The following HECW2 variants were observed in gnomAD, a reference collection of about 807,000 sequenced individuals.
The protein encoded by HECW2 is HECT, C2 and WW domain containing E3 ubiquitin protein ligase 2.
In HECW2, 61 loss-of-function variants were observed where a neutral mutation model predicts 175.2. The observed-to-expected ratio is 0.35, with a 90% CI of 0.28 to 0.43. The LOEUF (loss-of-function observed/expected upper bound fraction) is 0.43. Ranked by LOEUF, HECW2 falls within the 20% of genes least tolerant of loss-of-function variation. The probability of loss-of-function intolerance (pLI) is 1.00; values close to 1 mark genes in which losing one functional copy is unlikely to be tolerated. For synonymous variants in HECW2, 671 were observed against 731.0 expected (o/e 0.92, Z 1.32); for missense variants, 1,524 against 2,000.5 (o/e 0.76, Z 4.54).
intron 14 of HECW2, chr2:196,289,812 T>C (rs1021290768): frequency 2.0e-5 from 3 of 152,160 alleles, no homozygotes; most frequent in Non-Finnish European, 4.4e-5. Context: ...ACTCCTAACA[T>C]GCAGCCCAAA....
chr2:196,315,149 AGTGTGTGTGTGTGTGTGTGTGTGTGT>A (rs58473650), intron 10 of HECW2, among the ~76,000 whole-genome samples: 1 of 144,716 alleles, frequency 6.9e-6, no homozygotes, highest in Non-Finnish European at 1.5e-5. Context: ...CGAGTGTATG[AGTGTGTGTGTGTGTGTGTGTGTGTGT>A]GTGTGTGTGT....
chr2:196,451,206 C>T (rs1013124888), intron 1 of HECW2, among the ~76,000 whole-genome samples: 1 of 151,886 alleles, frequency 6.6e-6, no homozygotes, highest in Non-Finnish European at 1.5e-5. Context: ...GAGGCCGAGG[C>T]GGGTGGATCA....
At chr2:196,281,578 T>G (rs543594284) in intron 14 of HECW2, among the ~76,000 whole-genome samples, 281 of 130,580 alleles carry the variant, frequency 2.2e-3, no homozygotes, top group Non-Finnish European at 3.3e-3. Context: ...AGGTGGTGAT[T>G]GCAGTGAGCC....
chr2:196,432,734 T>C (rs1403605719), intron 2 of HECW2, among the ~76,000 whole-genome samples: 2 of 152,066 alleles, frequency 1.3e-5, no homozygotes, highest in East Asian at 1.9e-4. Context: ...TTTTAAAATA[T>C]GTCATCTAAA....
At chr2:196,435,926 T>G (rs941890889) in intron 1 of HECW2, among the ~76,000 whole-genome samples, 3 of 152,228 alleles carry the variant, frequency 2.0e-5, no homozygotes, top group Non-Finnish European at 4.4e-5. Context: ...ACATTCTACT[T>G]TAATTATATC....
At chr2:196,261,637 A>G (rs11894150) in intron 17 of HECW2, among the ~76,000 whole-genome samples, 37,367 of 152,196 alleles carry the variant, frequency 0.25, 6,778 homozygotes, top group African/African-American at 0.5. Flanking sequence ...TGGTCTCAAC[A>G]TTGGTGATTT....
rs148193670 is a variant in HECW2 at position 196,395,242 on chromosome 2, A to G, written c.292+37890T>C. 2.7e-4 allele frequency among the ~76,000 whole-genome samples: 41 copies of G among 152,352 alleles called. 1 individual carries two copies. In the East Asian group the frequency reaches 7.9e-3, roughly 29 times the overall value. ...GGGTCAAGGACTTAAACATAGAGCT[A>G]AAACTTAAAACTCTTAGAGGAAAAC... On this transcript the variant is annotated intron_variant, in intron 2 of 28. Coordinates refer to ENST00000644978, the MANE Select transcript of HECW2 (RefSeq NM_001348768.2).
At chr2:196,405,563 C>T (rs556250317) in intron 2 of HECW2, among the ~76,000 whole-genome samples, 70 of 152,230 alleles carry the variant, frequency 4.6e-4, no homozygotes, top group African/African-American at 1.6e-3. Flanking sequence ...CTGTTGAAGT[C>T]CAACCCCCCA....
In HECW2 at chr2:196,225,730, C is replaced by A. The variant is rs370266571; in HGVS notation, c.4016+42G>T. The A allele has an allele frequency of 7.4e-6, 9 of 1,210,998 alleles. No individual in the cohort carries two copies. In the African/African-American group the frequency reaches 1.2e-4, roughly 16 times the overall value. The allele number at this position is 1,210,998 out of a possible 1,614,324, so 75.0% of individuals were successfully genotyped here. ...AATTTTTTCAAAAAAGTAAATACTGCATTTTACATGCTAATTATGCAGGCA... is the reference window on the plus strand; with the variant it reads ...AATTTTTTCAAAAAAGTAAATACTGAATTTTACATGCTAATTATGCAGGCA... On this transcript the variant is annotated intron_variant, in intron 23 of 28. Transcript: ENST00000644978.
chr2:196,254,903 C>A (rs998054601), intron 18 of HECW2, among the ~76,000 whole-genome samples: 3 of 151,572 alleles, frequency 2.0e-5, no homozygotes, highest in African/African-American at 7.3e-5. Flanking sequence ...CTTTTCATAA[C>A]CTTTATCCAT....
At chr2:196,272,248 G>A (rs1689767773) in intron 16 of HECW2, among the ~76,000 whole-genome samples, 2 of 152,092 alleles carry the variant, frequency 1.3e-5, no homozygotes, top group South Asian at 4.1e-4. Flanking sequence ...TATACCAACA[G>A]CTACAACACA....
intron 1 of HECW2, among the ~76,000 whole-genome samples, chr2:196,567,587 A>T (rs1381063784): frequency 6.6e-6 from 1 of 152,218 alleles, no homozygotes; most frequent in African/African-American, 2.4e-5. Flanking sequence ...ATGCCTATAG[A>T]GCCTATTGCC....
intron 17 of HECW2, among the ~76,000 whole-genome samples, chr2:196,267,429 T>C (rs1392915687): frequency 1.3e-5 from 2 of 152,144 alleles, no homozygotes; most frequent in Admixed American, 6.6e-5. Flanking sequence ...GAACCAGTAG[T>C]AGCATATAAT....
At chr2:196,409,904 G>A (rs1452880688) in intron 2 of HECW2, among the ~76,000 whole-genome samples, 1 of 152,154 alleles carries the variant, frequency 6.6e-6, no homozygotes, top group African/African-American at 2.4e-5. Flanking sequence ...GAGAGACTGC[G>A]TATTACCCAC....
rs1354271178 is a variant in HECW2, at chr2:196,242,075, T to C, written c.3650+9A>G. On this transcript the variant is annotated intron_variant, in intron 20 of 28. Transcript: ENST00000644978. ...TATACATTATGTGGTTTGTGTCACT[T>C]TGACTTACTTTAACTTCCCTGGGCC... 1 of 1,613,062 alleles carries C rather than the reference T, an allele frequency of 6.2e-7. No individual in the cohort carries two copies. The highest frequency in any genetic ancestry group is 2.2e-5 in the East Asian group (1 of 44,900).
intron 17 of HECW2, among the ~76,000 whole-genome samples, chr2:196,268,831 T>C (rs555047205): frequency 6.6e-6 from 1 of 152,140 alleles, no homozygotes; most frequent in African/African-American, 2.4e-5. Context: ...TTTTGTTTGT[T>C]TTGCTTTGAG....
rs1695778122 is a variant in HECW2, at chr2:196,433,445, G to C, written c.-22C>G. The C allele has an allele frequency of 6.2e-7, 1 of 1,605,514 alleles. No homozygotes were observed. Among genetic ancestry groups the C allele is most frequent in the Non-Finnish European group, 8.5e-7 (1 of 1,175,568 alleles). On this transcript the variant is annotated 5_prime_UTR_variant, in exon 2 of 29. Coordinates refer to ENST00000644978, the MANE Select transcript of HECW2 (RefSeq NM_001348768.2). ...CCATCCCGTCTGCTTCTCTGGGATT[G>C]GCTGCCTACAAAGCTGCAAGAGACA...
intron 2 of HECW2, among the ~76,000 whole-genome samples, chr2:196,432,049 T>G (rs1429218793): frequency 6.6e-6 from 1 of 152,222 alleles, no homozygotes; most frequent in Admixed American, 6.5e-5. Flanking sequence ...GCTAGATCAC[T>G]GTGGAGGGAG....
At position 196,292,693 on chromosome 2, in the gene HECW2, G is replaced by A. The variant is rs754859036; in HGVS notation, c.2872C>T (p.Arg958Trp). 1.2e-6 allele frequency: 2 copies of A among 1,614,004 alleles called. No homozygotes were observed. The highest frequency in any genetic ancestry group is 8.5e-7 in the Non-Finnish European group (1 of 1,179,922). The change falls in exon 14 of 29, where the codon CGG becomes TGG. Residue 958 changes from arginine to tryptophan, a missense_variant. Transcript: ENST00000644978. ...TCLKHMITKVRRDTHHFERYQ... is the reference protein window; with the variant it reads ...TCLKHMITKVWRDTHHFERYQ... Reference sequence around the variant, plus strand: ...CGTTCAAAGTGGTGGGTGTCCCTCCGGACTTTGGTGATCATGTGCTTCAAA... The same window carrying A: ...CGTTCAAAGTGGTGGGTGTCCCTCCAGACTTTGGTGATCATGTGCTTCAAA...
Sources: gnomAD v4.1 joint callset for allele counts (sites outside exome capture counted in the v4.1 genomes callset) on GRCh38, gnomAD v4.1.1 for gene constraint, MANE v1.5 for transcripts, NCBI Gene and HGNC (gene_info 2026-07-23, HGNC 2026-07-21) for gene names.